TMCC1: variants seen among roughly 807,000 people sequenced by gnomAD.
TMCC1 encodes the protein transmembrane and coiled-coil domain family 1, also known as transmembrane and coiled-coil domains protein 1.
A neutral mutation model predicts 52.4 loss-of-function variants in TMCC1; 15 were observed. That is an observed-to-expected ratio of 0.29 (90% CI 0.19 to 0.44). The LOEUF is 0.44. Ranked by LOEUF, TMCC1 falls within the 20% of genes least tolerant of loss-of-function variation. The pLI is 1.00. For synonymous variants in TMCC1, 279 were observed against 301.9 expected, an observed-to-expected ratio of 0.92 and a Z score of 0.79; for missense variants, 503 against 806.0, an observed-to-expected ratio of 0.62 and a Z score of 4.55.
intron 4 of TMCC1, among the ~76,000 whole-genome samples, chr3:129,698,446 T>C (rs1451177697): frequency 6.6e-6 from 1 of 152,156 alleles, no homozygotes; most frequent in African/African-American, 2.4e-5. Flanking sequence ...GGTGGGGACA[T>C]AGCCAAACCA....
chr3:129,784,363 G>A (rs1010302434), intron 4 of TMCC1, among the ~76,000 whole-genome samples: 32 of 150,836 alleles, frequency 2.1e-4, no homozygotes, highest in African/African-American at 7.3e-4. Context: ...CGGATCACGA[G>A]GTCAGGAAAT....
intron 4 of TMCC1, among the ~76,000 whole-genome samples, chr3:129,690,466 A>G (rs1351009448): frequency 6.6e-6 from 1 of 152,218 alleles, no homozygotes; most frequent in Non-Finnish European, 1.5e-5. Flanking sequence ...AATTTTAAGT[A>G]CAATTGTTGG....
Position 129,745,831 on chromosome 3 carries a change from G to A in TMCC1, c.577-74567C>T, listed in dbSNP as rs1023737098. 3.3e-5 allele frequency among the ~76,000 whole-genome samples: 5 copies of A among 151,900 alleles called. No individual in the cohort carries two copies. The South Asian group carries it at 8.3e-4, about 25-fold the overall frequency. On this transcript the variant is annotated intron_variant, in intron 4 of 6. Coordinates refer to ENST00000393238, the MANE Select transcript of TMCC1 (RefSeq NM_001017395.5). Reference sequence around the variant, plus strand: ...ATAAAAAAATTAGCTGAGTGTGGTGGCACCTGCATATAATCCCAGCTACTC... The same window carrying A: ...ATAAAAAAATTAGCTGAGTGTGGTGACACCTGCATATAATCCCAGCTACTC...
intron 4 of TMCC1, among the ~76,000 whole-genome samples, chr3:129,797,921 A>G (rs948169032): frequency 6.6e-6 from 1 of 151,678 alleles, no homozygotes; most frequent in African/African-American, 2.4e-5. Flanking sequence ...ATAACCTAAC[A>G]TTTAAGCTGT....
intron 4 of TMCC1, among the ~76,000 whole-genome samples, chr3:129,720,249 G>A (rs2049463965): frequency 6.6e-6 from 1 of 151,852 alleles, no homozygotes; most frequent in Non-Finnish European, 1.5e-5. Flanking sequence ...TTTGGTCATG[G>A]TCTTGCTTTG....
intron 4 of TMCC1, among the ~76,000 whole-genome samples, chr3:129,711,537 G>C (rs2048680545): frequency 1.3e-5 from 2 of 151,974 alleles, no homozygotes; most frequent in Admixed American, 1.3e-4. Flanking sequence ...CATTGGACTT[G>C]AAAATAGTCA....
rs199570130 is a variant in TMCC1 at position 129,651,772 on chromosome 3, C to T, written c.1671G>A (p.Thr557=). The T allele has an allele frequency of 5.0e-5, 80 of 1,613,738 alleles. No homozygotes were observed. The highest frequency in any genetic ancestry group is 3.3e-4 in the East Asian group (15 of 44,888). The change falls in exon 7 of 7, where the codon ACG becomes ACA. Residue 557 remains threonine, a synonymous_variant. Coordinates refer to ENST00000393238, the MANE Select transcript of TMCC1 (RefSeq NM_001017395.5). This position sits in a 1 kb window ranked among gnomAD's most constrained non-coding sequence, Gnocchi z 5.1. ...DIQEALEACQ[T]RISKMELQQQ... ...GCTGCAGCTCCATCTTGGAGATGCG[C>T]GTCTGGCATGCCTCCAGGGCCTCCT...
At chr3:129,884,733 C>A (rs2061612041) in intron 1 of TMCC1, among the ~76,000 whole-genome samples, 1 of 152,120 alleles carries the variant, frequency 6.6e-6, no homozygotes, top group Admixed American at 6.5e-5. Context: ...TTTTCAAAAT[C>A]TTTGAAGGGC....
At chr3:129,736,252 T>C (rs1436740005) in intron 4 of TMCC1, among the ~76,000 whole-genome samples, 2 of 152,204 alleles carry the variant, frequency 1.3e-5, no homozygotes, top group African/African-American at 2.4e-5. Context: ...AAACTATCAA[T>C]TCTACTGACT....
chr3:129,778,674 T>TGGGGGG (rs11372839), intron 4 of TMCC1, among the ~76,000 whole-genome samples: 1 of 138,736 alleles, frequency 7.2e-6, no homozygotes, highest in Non-Finnish European at 1.6e-5. Context: ...TAGATCATGG[T>TGGGGGG]GGGGGGGGGG....
Position 129,828,152 on chromosome 3 carries a change from T to A in TMCC1, c.227A>T (p.Asp76Val). The stretch of plus-strand genomic sequence containing the variant: ...TTCCAGATCCATTTCAGGTTCTGGA[T>A]CTGCCTGAATTTGCTGCACATCATG... The part of the protein sequence containing the change: ...SPHDVQQIQA[D>V]PEPEMDLESQ... The change falls in exon 4 of 7, where the codon GAT (aspartate) becomes GTT (valine). Residue 76 changes from aspartate (D) to valine (V), a missense_variant. Physicochemically the swap from Asp to Val is radical, Grantham distance 152. Around this residue, in one of 7 missense-constraint regions of TMCC1, gnomAD observed 217 missense variants for 297.9 expected, o/e 0.73. Coordinates refer to ENST00000393238, the MANE Select transcript of TMCC1 (RefSeq NM_001017395.5). This position sits in a 1 kb window ranked among gnomAD's most constrained non-coding sequence, Gnocchi z 4.1. 2.5e-6 allele frequency: 4 copies of A among 1,614,168 alleles called. No individual in the cohort carries two copies. Among genetic ancestry groups the A allele is most frequent in the Non-Finnish European group, 3.4e-6 (4 of 1,180,032 alleles).
intron 4 of TMCC1, among the ~76,000 whole-genome samples, chr3:129,684,582 GAC>G (rs2089265618): frequency 6.6e-6 from 1 of 152,154 alleles, no homozygotes; most frequent in African/African-American, 2.4e-5. Context: ...GAAAAGAGGA[GAC>G]ACAGAGAACA....
intron 1 of TMCC1, among the ~76,000 whole-genome samples, chr3:129,889,864 G>A (rs2061882484): frequency 6.6e-6 from 1 of 150,836 alleles, no homozygotes; most frequent in African/African-American, 2.4e-5. Flanking sequence ...GGAAAGATTT[G>A]GTCAAGGAGA....
At chr3:129,841,317 T>A (rs1001163314) in intron 2 of TMCC1, among the ~76,000 whole-genome samples, 1 of 152,244 alleles carries the variant, frequency 6.6e-6, no homozygotes, top group South Asian at 2.1e-4. Context: ...CCGGGGACAG[T>A]GGCTCATGCC....
At chr3:129,745,232 A>C (rs1031594425) in intron 4 of TMCC1, among the ~76,000 whole-genome samples, 12 of 152,234 alleles carry the variant, frequency 7.9e-5, no homozygotes, top group Admixed American at 4.6e-4. Context: ...AATTTTAAAC[A>C]TGCACTCACA....
intron 4 of TMCC1, among the ~76,000 whole-genome samples, chr3:129,714,556 C>T (rs1455644010): frequency 6.6e-6 from 1 of 152,100 alleles, no homozygotes; most frequent in South Asian, 2.1e-4. Flanking sequence ...AATATGACAA[C>T]CATACATACA....
rs1268256568 is a variant in TMCC1, at chr3:129,650,665, C to T, written c.*816G>A. On this transcript the variant is annotated 3_prime_UTR_variant, in exon 7 of 7. Transcript: ENST00000393238. The stretch of plus-strand genomic sequence containing the variant: ...CAATAATAAAAAATCCTATTAGAAA[C>T]CATAAGGAAGCACTGAGAGTTTGAG... 1 of 152,458 alleles carries T rather than the reference C, an allele frequency of 6.6e-6. No homozygotes were observed. Among genetic ancestry groups the T allele is most frequent in the Non-Finnish European group, 1.5e-5 (1 of 68,000 alleles). The allele number at this position is 152,458 out of a possible 1,614,324, so 9.4% of individuals were successfully genotyped here. A position where few individuals can be genotyped will look rare whatever the true frequency, so the allele number is the denominator to read the frequency against.
chr3:129,885,755 G>GT (rs912147831), intron 1 of TMCC1, among the ~76,000 whole-genome samples: 1 of 151,710 alleles, frequency 6.6e-6, no homozygotes, highest in African/African-American at 2.4e-5. Flanking sequence ...TTGTTTGTTT[G>GT]TTTTTTGAGA....
intron 4 of TMCC1, among the ~76,000 whole-genome samples, chr3:129,813,023 A>G (rs1040750490): frequency 6.6e-6 from 1 of 152,242 alleles, no homozygotes; most frequent in Non-Finnish European, 1.5e-5. Flanking sequence ...ACACTTTTCA[A>G]AAGATAACAT....
Sources: allele counts gnomAD v4.1 joint callset (sites outside exome capture counted in the v4.1 genomes callset), GRCh38; gene constraint gnomAD v4.1.1; regional missense constraint gnomAD v4.1.1; non-coding constraint Gnocchi (gnomAD v3.1); transcripts MANE v1.5; gene names NCBI Gene and HGNC (gene_info 2026-07-23, HGNC 2026-07-21).